The following PTPRT variants were observed in gnomAD, a reference collection of about 807,000 sequenced individuals.
PTPRT encodes the protein protein tyrosine phosphatase receptor type T.
A neutral mutation model predicts 176.8 loss-of-function variants in PTPRT; 56 were observed. The ratio of observed to expected loss-of-function variants is 0.32; its 90% CI spans 0.26 to 0.40. The LOEUF (loss-of-function observed/expected upper bound fraction) is 0.40, where lower values mean the gene tolerates loss of function less well. PTPRT is among the 10% of genes least tolerant of loss of function. The pLI is 1.00. For synonymous variants in PTPRT, 783 were observed against 739.0 expected (o/e 1.06, Z -0.96); for missense variants, 1,540 against 1,908.2 (o/e 0.81, Z 3.60).
intron 1 of PTPRT, among the ~76,000 whole-genome samples, chr20:42,949,590 C>T (rs1981104246): frequency 1.3e-5 from 2 of 152,136 alleles, no homozygotes; most frequent in Admixed American, 1.3e-4. Flanking sequence ...GCCTTTGATC[C>T]ACCCCAGCGG....
chr20:42,635,553 G>A (rs978693647), intron 7 of PTPRT, among the ~76,000 whole-genome samples: 3 of 152,014 alleles, frequency 2.0e-5, no homozygotes, highest in African/African-American at 4.8e-5. Context: ...TTGAAAAATT[G>A]TTATTATTTT....
intron 25 of PTPRT, 102 bp from the exon 26 acceptor site, chr20:42,102,399 C>G: frequency 8.0e-7 from 1 of 1,249,578 alleles, no homozygotes; most frequent in South Asian, 1.5e-5. Flanking sequence ...CTATTTCCAC[C>G]CTCTAAGCGC....
At chr20:42,876,149 A>G (rs2078926655) in intron 2 of PTPRT, among the ~76,000 whole-genome samples, 1 of 152,176 alleles carries the variant, frequency 6.6e-6, no homozygotes, top group African/African-American at 2.4e-5. Flanking sequence ...GGTAACTTAT[A>G]TGTTCAAACT....
At chr20:43,142,579 A>C (rs1304583292) in intron 1 of PTPRT, among the ~76,000 whole-genome samples, 1 of 151,558 alleles carries the variant, frequency 6.6e-6, no homozygotes, top group Non-Finnish European at 1.5e-5. Context: ...AGAAGGAAAA[A>C]ACCATCCCCC....
the PTPRT span, among the ~76,000 whole-genome samples, chr20:42,057,306 G>C: frequency 6.6e-6 from 1 of 152,124 alleles, no homozygotes; most frequent in Non-Finnish European, 1.5e-5. Flanking sequence ...TGGGCGTGAG[G>C]TCTAGAGACA....
intron 2 of PTPRT, among the ~76,000 whole-genome samples, chr20:42,825,607 G>A (rs368927614): frequency 1.3e-5 from 2 of 152,064 alleles, no homozygotes; most frequent in African/African-American, 4.8e-5. Flanking sequence ...CTTGAGAAGA[G>A]TTCAACTTTC....
chr20:42,344,255 G>C (rs567385313), intron 11 of PTPRT, among the ~76,000 whole-genome samples: 2 of 152,118 alleles, frequency 1.3e-5, no homozygotes, highest in Admixed American at 1.3e-4. Context: ...TAGCTTATTC[G>C]ACCTTCAAAA....
At chr20:42,419,068 T>C (rs2059092488) in intron 9 of PTPRT, among the ~76,000 whole-genome samples, 1 of 152,132 alleles carries the variant, frequency 6.6e-6, no homozygotes, top group South Asian at 2.1e-4. Flanking sequence ...AATGAATGGG[T>C]TGATTTCCCC....
intron 9 of PTPRT, among the ~76,000 whole-genome samples, chr20:42,434,659 T>C (rs374303309): frequency 1.3e-4 from 5 of 37,488 alleles, no homozygotes; most frequent in Non-Finnish European, 5.7e-5. Flanking sequence ...CCCATCTTCA[T>C]AAGAAAAAAA....
At chr20:42,194,338 C>A (rs1991115131) in intron 16 of PTPRT, among the ~76,000 whole-genome samples, 1 of 152,132 alleles carries the variant, frequency 6.6e-6, no homozygotes, top group African/African-American at 2.4e-5. Flanking sequence ...GTCTGATGAC[C>A]CTTAGAGAAG....
chr20:42,954,705 GA>G (rs1202983230), intron 1 of PTPRT, among the ~76,000 whole-genome samples: 3 of 152,128 alleles, frequency 2.0e-5, no homozygotes, highest in Non-Finnish European at 4.4e-5. Flanking sequence ...TGTTGCAGAA[GA>G]AAAATGGCAT....
intron 9 of PTPRT, among the ~76,000 whole-genome samples, chr20:42,414,498 A>AAACT (rs2059047183): frequency 6.6e-6 from 1 of 152,216 alleles, no homozygotes; most frequent in African/African-American, 2.4e-5. Flanking sequence ...AGCCTTGGTG[A>AAACT]ATCAGCTGAA....
Position 42,352,210 on chromosome 20 carries a change from G to C in PTPRT, c.1636C>G (p.Arg546Gly), listed in dbSNP as rs752620539. 6.2e-7 allele frequency: 1 copy of C among 1,614,150 alleles called. No homozygotes were observed. Among genetic ancestry groups the C allele is most frequent in the Non-Finnish European group, 8.5e-7 (1 of 1,180,024 alleles). ...ACAAAGAGGTGGTGGGTTTCATTCCGGAGCTTGAACACTTTCCCCCTCTGG... is the reference window on the plus strand; with the variant it reads ...ACAAAGAGGTGGTGGGTTTCATTCCCGAGCTTGAACACTTTCCCCCTCTGG... ...SSQRGKVFKL[R>G]NETHHLFVGL... Residue 546 changes from arginine to glycine, a missense_variant, in exon 10 of 31, where the codon CGG (arginine) becomes GGG (glycine). This residue lies in a region of PTPRT where 136 missense variants were observed against 135.0 expected (regional missense o/e 1.01). Transcript: ENST00000373187.
intron 2 of PTPRT, among the ~76,000 whole-genome samples, chr20:42,809,816 T>C (rs1458172752): frequency 6.6e-6 from 1 of 152,150 alleles, no homozygotes; most frequent in East Asian, 1.9e-4. Flanking sequence ...TAACCTCCTC[T>C]TGAGATCCTT....
At chr20:43,066,118 A>ACT (rs1013517875) in intron 1 of PTPRT, among the ~76,000 whole-genome samples, 5 of 150,166 alleles carry the variant, frequency 3.3e-5, no homozygotes, top group South Asian at 2.1e-4. Flanking sequence ...GCTCTTCCCA[A>ACT]CTCTCTCTCT....
At chr20:43,091,471 TTCTCTC>T (rs137874026) in intron 1 of PTPRT, among the ~76,000 whole-genome samples, 8 of 107,728 alleles carry the variant, frequency 7.4e-5, no homozygotes, top group African/African-American at 2.0e-4. Flanking sequence ...CCCCCTCTCT[TTCTCTC>T]TCTCTCTCTC....
intron 7 of PTPRT, among the ~76,000 whole-genome samples, chr20:42,581,892 T>C (rs2073379493): frequency 6.6e-6 from 1 of 152,170 alleles, no homozygotes; most frequent in South Asian, 2.1e-4. Context: ...TACTGGGCAA[T>C]TGACAGGCCA....
At chr20:42,633,157 T>TCTA (rs2074450728) in intron 7 of PTPRT, among the ~76,000 whole-genome samples, 1 of 152,070 alleles carries the variant, frequency 6.6e-6, no homozygotes, top group Non-Finnish European at 1.5e-5. Context: ...ACACTGAACA[T>TCTA]TCTAGGTCCT....
intron 1 of PTPRT, among the ~76,000 whole-genome samples, chr20:43,006,893 T>C (rs1164400358): frequency 6.6e-6 from 1 of 152,070 alleles, no homozygotes; most frequent in Non-Finnish European, 1.5e-5. Context: ...TGTGGCAATG[T>C]AGAGTCTGCA....
Sources: allele counts gnomAD v4.1 joint callset (sites outside exome capture counted in the v4.1 genomes callset), GRCh38; gene constraint gnomAD v4.1.1; regional missense constraint gnomAD v4.1.1; transcripts MANE v1.5; gene names NCBI Gene and HGNC (gene_info 2026-07-23, HGNC 2026-07-21).